The following LDLRAD4 variants were observed in gnomAD, a reference collection of about 807,000 sequenced individuals.
LDLRAD4 encodes the protein low density lipoprotein receptor class A domain containing 4.
A neutral mutation model predicts 17.0 loss-of-function variants in LDLRAD4; 5 were observed. That is an observed-to-expected ratio of 0.29 (90% CI 0.15 to 0.62). LDLRAD4 has a LOEUF of 0.62. Among genes scored for constraint, LDLRAD4 ranks in the 20% least tolerant of loss-of-function variants. The pLI, the probability that LDLRAD4 is intolerant of heterozygous loss-of-function variation, is 0.84. For missense variants in LDLRAD4, 340 were observed against 424.7 expected, an observed-to-expected ratio of 0.80 and a Z score of 1.75; for synonymous variants, 168 against 171.8, an observed-to-expected ratio of 0.98 and a Z score of 0.17.
At chr18:13,586,460 C>G (rs1388352488) in intron 3 of LDLRAD4, among the ~76,000 whole-genome samples, 2 of 145,354 alleles carry the variant, frequency 1.4e-5, no homozygotes, top group African/African-American at 5.1e-5. Flanking sequence ...CTCTGAGTCA[C>G]AGCTACCATT....
chr18:13,226,701 T>C (rs2041822483), intron 1 of LDLRAD4, among the ~76,000 whole-genome samples: 1 of 108,932 alleles, frequency 9.2e-6, no homozygotes, highest in Non-Finnish European at 2.1e-5. Context: ...TTTGTGCTTT[T>C]TAAAATTTGA....
intron 1 of LDLRAD4, among the ~76,000 whole-genome samples, chr18:13,296,015 C>T (rs956562837): frequency 6.6e-6 from 1 of 152,218 alleles, no homozygotes; most frequent in African/African-American, 2.4e-5. Context: ...GCCCAGGACC[C>T]CACCGGCAGC....
At chr18:13,451,436 CT>C (rs1440821151) in intron 3 of LDLRAD4, among the ~76,000 whole-genome samples, 1 of 152,170 alleles carries the variant, frequency 6.6e-6, no homozygotes, top group Non-Finnish European at 1.5e-5. Flanking sequence ...TACCAGTCCC[CT>C]TTTACCTTGC....
At chr18:13,416,059 C>T (rs1286907838) in intron 2 of LDLRAD4, among the ~76,000 whole-genome samples, 1 of 152,224 alleles carries the variant, frequency 6.6e-6, no homozygotes, top group Non-Finnish European at 1.5e-5. Context: ...GGCAGGCTGA[C>T]CAGACCTTCC....
intron 3 of LDLRAD4, among the ~76,000 whole-genome samples, chr18:13,539,526 A>G (rs1336214614): frequency 6.6e-5 from 10 of 152,222 alleles, no homozygotes; most frequent in Non-Finnish European, 1.5e-4. Flanking sequence ...GTGGATAAAC[A>G]TAGATTATTT....
At chr18:13,295,816 G>A (rs1234223951) in intron 1 of LDLRAD4, among the ~76,000 whole-genome samples, 1 of 152,234 alleles carries the variant, frequency 6.6e-6, no homozygotes, top group Admixed American at 6.5e-5. Context: ...ATTTTGATAT[G>A]TGTGCTTTTA....
chr18:13,574,914 C>G (rs952019753), intron 3 of LDLRAD4, among the ~76,000 whole-genome samples: 2 of 152,206 alleles, frequency 1.3e-5, no homozygotes, highest in African/African-American at 4.8e-5. Context: ...TGCCCCCATA[C>G]GTCTCCTCCT....
chr18:13,410,472 TA>T, intron 2 of LDLRAD4, among the ~76,000 whole-genome samples: 1 of 152,306 alleles, frequency 6.6e-6, no homozygotes, highest in Non-Finnish European at 1.5e-5. Flanking sequence ...TCCTCACATT[TA>T]AAATTATCTC....
chr18:13,588,369 C>T (rs1399256180), intron 3 of LDLRAD4, among the ~76,000 whole-genome samples: 1 of 152,120 alleles, frequency 6.6e-6, no homozygotes, highest in Non-Finnish European at 1.5e-5. Context: ...GAGATTTATA[C>T]ATAACATAAC....
At chr18:13,591,430 GTC>G (rs1491075394) in intron 3 of LDLRAD4, among the ~76,000 whole-genome samples, 335 of 16,168 alleles carry the variant, frequency 0.021, 4 homozygotes, top group African/African-American at 0.063. Flanking sequence ...GTGTGTGTGT[GTC>G]TGTGTGTGTG....
intron 2 of LDLRAD4, among the ~76,000 whole-genome samples, chr18:13,413,201 A>T (rs950243604): frequency 6.6e-6 from 1 of 152,206 alleles, no homozygotes; most frequent in Non-Finnish European, 1.5e-5. Flanking sequence ...CTGTGCTTGT[A>T]TCTGCGTTTT....
intron 2 of LDLRAD4, among the ~76,000 whole-genome samples, chr18:13,414,595 T>C (rs2088697802): frequency 6.6e-6 from 1 of 152,276 alleles, no homozygotes; most frequent in Non-Finnish European, 1.5e-5. Context: ...TACTTTTGCA[T>C]TTCTGTGTTT....
chr18:13,278,707 G>A (rs1403314916), intron 1 of LDLRAD4, among the ~76,000 whole-genome samples: 2 of 152,150 alleles, frequency 1.3e-5, no homozygotes, highest in East Asian at 3.8e-4. Context: ...GGGACTCATT[G>A]CTTATGGGAA....
chr18:13,577,426 C>T (rs986423547), intron 3 of LDLRAD4, among the ~76,000 whole-genome samples: 1 of 152,092 alleles, frequency 6.6e-6, no homozygotes, highest in Non-Finnish European at 1.5e-5. Context: ...CATGCCTTTG[C>T]TCAGCCGAGG....
At chr18:13,496,333 C>G (rs2147185534) in intron 3 of LDLRAD4, among the ~76,000 whole-genome samples, 1 of 152,234 alleles carries the variant, frequency 6.6e-6, no homozygotes, top group East Asian at 1.9e-4. Context: ...GGGGTCTGGC[C>G]TGAAGTCAGG....
chr18:13,445,346 AGT>A (rs2091315523), intron 3 of LDLRAD4, among the ~76,000 whole-genome samples: 1 of 152,026 alleles, frequency 6.6e-6, no homozygotes. Flanking sequence ...TGTGTGCACA[AGT>A]GTGTGGGTGT....
At chr18:13,590,004 CG>C (rs1894921738) in intron 3 of LDLRAD4, among the ~76,000 whole-genome samples, 1 of 147,870 alleles carries the variant, frequency 6.8e-6, no homozygotes, top group Admixed American at 6.7e-5. Flanking sequence ...GGGGTGTGCA[CG>C]TGTGTGGCTG....
chr18:13,294,407 A>C (rs912565734), intron 1 of LDLRAD4, among the ~76,000 whole-genome samples: 1 of 152,202 alleles, frequency 6.6e-6, no homozygotes, highest in Non-Finnish European at 1.5e-5. Flanking sequence ...AATGCATGGC[A>C]AGGCATTTTT....
intron 3 of LDLRAD4, among the ~76,000 whole-genome samples, chr18:13,450,692 C>T (rs1368217492): frequency 6.6e-6 from 1 of 152,136 alleles, no homozygotes; most frequent in Non-Finnish European, 1.5e-5. Flanking sequence ...TTGAGAAGGC[C>T]CACAAAGTTG....
Sources: allele counts gnomAD v4.1 joint callset (sites outside exome capture counted in the v4.1 genomes callset), GRCh38; gene constraint gnomAD v4.1.1; transcripts MANE v1.5; gene names NCBI Gene and HGNC (gene_info 2026-07-23, HGNC 2026-07-21).